Variants in MFAP3 observed in about 807,000 individuals in gnomAD.
The protein encoded by MFAP3 is microfibril associated protein 3, also known as microfibril-associated glycoprotein 3.
A neutral mutation model predicts 20.5 loss-of-function variants in MFAP3; 8 were observed. The observed-to-expected ratio is 0.39, with a 90% confidence interval of 0.23 to 0.70. The LOEUF (loss-of-function observed/expected upper bound fraction) is 0.70. MFAP3 is among the 30% of genes least tolerant of loss of function. The pLI, the probability that MFAP3 is intolerant of heterozygous loss-of-function variation, is 0.44. For missense variants in MFAP3, 398 were observed against 444.6 expected (o/e 0.90, Z 0.94); for synonymous variants, 140 against 154.0 (o/e 0.91, Z 0.67).
rs781398444 is a variant in MFAP3, at chr5:154,053,877, G to A, written c.*164G>A. The A allele has an allele frequency of 7.7e-4, 476 of 616,740 alleles. 4 individuals carry two copies. The Middle Eastern group carries it at 0.013, about 17-fold the overall frequency. The allele number at this position is 616,740 out of a possible 1,614,324, so 38.2% of individuals were successfully genotyped here. A position where few individuals can be genotyped will look rare whatever the true frequency, so the allele number is the denominator to read the frequency against. On this transcript the variant is annotated 3_prime_UTR_variant, in exon 3 of 3. Coordinates refer to ENST00000522782, the MANE Select transcript of MFAP3 (RefSeq NM_005927.5). The stretch of plus-strand genomic sequence containing the variant: ...TTGCCAAAGTCTTCATTAGAAGGCA[G>A]CATTTTTCCTCTCTGATACTTTTCA...
chr5:154,045,624 T>G (rs1256808139), intron 1 of MFAP3, among the ~76,000 whole-genome samples: 2 of 152,218 alleles, frequency 1.3e-5, no homozygotes, highest in Non-Finnish European at 2.9e-5. Context: ...ACTCTGTGTT[T>G]TATGTATACT....
In MFAP3 at chr5:154,056,796, T is replaced by C. The variant is rs982286786; in HGVS notation, c.*3083T>C. ...TGATAACTGCCTGTCCTCCAAATTG[T>C]GTATGTATATGTTACGATGGTTTAA... On this transcript the variant is annotated 3_prime_UTR_variant, in exon 3 of 3. Coordinates refer to ENST00000522782, the MANE Select transcript of MFAP3 (RefSeq NM_005927.5). 7.2e-5 allele frequency among the ~76,000 whole-genome samples: 11 copies of C among 152,208 alleles called. No individual in the cohort carries two copies. Among genetic ancestry groups the C allele is most frequent in the Admixed American group, 5.2e-4 (8 of 15,282 alleles).
intron 1 of MFAP3, among the ~76,000 whole-genome samples, chr5:154,046,482 G>A (rs1324298308): frequency 1.3e-5 from 2 of 152,204 alleles, no homozygotes; most frequent in South Asian, 2.1e-4. Flanking sequence ...GGGATAGACT[G>A]CCTAGCAGTA....
At chr5:154,040,646 A>G (rs535191400) in intron 1 of MFAP3, among the ~76,000 whole-genome samples, 33 of 152,366 alleles carry the variant, frequency 2.2e-4, no homozygotes, top group African/African-American at 9.6e-5. Flanking sequence ...TTGTAAATCA[A>G]TAAACCTATA....
Position 154,055,429 on chromosome 5 carries a change from GTC to G in MFAP3, c.*1721_*1722del, listed in dbSNP as rs879139725. Among the ~76,000 whole-genome samples the G allele has an allele frequency of 1.3e-5, 2 of 152,138 alleles. No homozygotes were observed. The highest frequency in any genetic ancestry group is 4.8e-5 in the African/African-American group (2 of 41,432). ...TAAAGATGATAATGCTGCCTTTTCTGTCTCTCAGGCTGTTTCCATGGAAACCT... is the reference window on the plus strand; with the variant it reads ...TAAAGATGATAATGCTGCCTTTTCTGTCTCAGGCTGTTTCCATGGAAACCT... On this transcript the variant is annotated 3_prime_UTR_variant, in exon 3 of 3. Coordinates refer to ENST00000522782, the MANE Select transcript of MFAP3 (RefSeq NM_005927.5).
rs534506808 is a variant in MFAP3, at chr5:154,048,871, G to A, written c.-166-686G>A. 4.6e-5 allele frequency among the ~76,000 whole-genome samples: 7 copies of A among 152,204 alleles called. No homozygotes were observed. The South Asian group carries it at 8.3e-4, about 18-fold the overall frequency. On this transcript the variant is annotated intron_variant, in intron 1 of 2. Coordinates refer to ENST00000522782, the MANE Select transcript of MFAP3 (RefSeq NM_005927.5). ...TAAATACACTGTACTTTGTCTCTTC[G>A]TATTGGAGAAACTATTAAAAGAAAA...
Position 154,054,511 on chromosome 5 carries a change from T to C in MFAP3, c.*798T>C, listed in dbSNP as rs1773284112. 1 of 167,004 alleles carries C rather than the reference T, an allele frequency of 6.0e-6. No homozygotes were observed. Among genetic ancestry groups the C allele is most frequent in the African/African-American group, 2.4e-5 (1 of 41,456 alleles). 10.3% of individuals were successfully genotyped at this position (167,004 alleles called of 1,614,324 possible). ...GGATTGCCTAACTGATCTTCCAAAGTGAGCAGTTTATTTCTAAGGTATAAC... is the reference window on the plus strand; with the variant it reads ...GGATTGCCTAACTGATCTTCCAAAGCGAGCAGTTTATTTCTAAGGTATAAC... On this transcript the variant is annotated 3_prime_UTR_variant, in exon 3 of 3. Transcript: ENST00000522782.
Position 154,053,929 on chromosome 5 carries a change from T to G in MFAP3, c.*216T>G. On this transcript the variant is annotated 3_prime_UTR_variant, in exon 3 of 3. Transcript: ENST00000522782. Reference sequence around the variant, plus strand: ...TCATTTTCCTTAGAGCTTTATTAAATTATGCATGCTAAGATTTAAAGGAGC... The same window carrying G: ...TCATTTTCCTTAGAGCTTTATTAAAGTATGCATGCTAAGATTTAAAGGAGC... 1 of 511,704 alleles carries G rather than the reference T, an allele frequency of 2.0e-6. No homozygotes were observed. The allele number at this position is 511,704 out of a possible 1,614,324, so 31.7% of individuals were successfully genotyped here.
At position 154,053,015 on chromosome 5, in the gene MFAP3, C is replaced by T. The variant is rs770333252; in HGVS notation, c.391C>T (p.Arg131Cys). ...TACCTGTTTCGTCACCTCTCCAATT[C>T]GTGCCTCCTACTCTGTCACCCTACG... ...LYTCFVTSPI[R>C]ASYSVTLRVI... Residue 131 changes from arginine to cysteine, a missense_variant, in exon 3 of 3, where the codon CGT (arginine) becomes TGT (cysteine). By Grantham distance (180) the Arg-to-Cys change is radical. Coordinates refer to ENST00000522782, the MANE Select transcript of MFAP3 (RefSeq NM_005927.5). 23 of 1,613,702 alleles carry T rather than the reference C, an allele frequency of 1.4e-5. No individual in the cohort carries two copies. The highest frequency in any genetic ancestry group is 1.6e-4 in the Middle Eastern group (1 of 6,080).
At position 154,041,610 on chromosome 5, in the gene MFAP3, T is replaced by C. The variant is rs145699687; in HGVS notation, c.-167+2599T>C. Among the ~76,000 whole-genome samples, 639 of 152,360 alleles carry C rather than the reference T, an allele frequency of 4.2e-3. 1 individual carries two copies. The highest frequency in any genetic ancestry group is 5.4e-3 in the Non-Finnish European group (369 of 68,036). On this transcript the variant is annotated intron_variant, in intron 1 of 2. Transcript: ENST00000522782. Reference sequence around the variant, plus strand: ...ATTCTTGGAGAATTACAATGCCAAATTGGAATTTTAAGCTTATCTCATGGG... The same window carrying C: ...ATTCTTGGAGAATTACAATGCCAAACTGGAATTTTAAGCTTATCTCATGGG...
rs139847258 is a variant in MFAP3, at chr5:154,049,323, A to G, written c.-166-234A>G. 1.3e-4 allele frequency among the ~76,000 whole-genome samples: 20 copies of G among 152,308 alleles called. No homozygotes were observed. In the East Asian group the frequency reaches 3.7e-3, roughly 28 times the overall value. ...AAACCCAGAGAGAATGCTGCTTGCC[A>G]AGGTCGTACAGCTAGTTAGTGGCAA... On this transcript the variant is annotated intron_variant, in intron 1 of 2. Transcript: ENST00000522782.
At chr5:154,041,198 T>C (rs1772940836) in intron 1 of MFAP3, among the ~76,000 whole-genome samples, 3 of 150,878 alleles carry the variant, frequency 2.0e-5, no homozygotes, top group Admixed American at 1.3e-4. Flanking sequence ...AAGATGAAAT[T>C]AGAGTTGAAT....
At chr5:154,041,173 G>A (rs816041) in intron 1 of MFAP3, among the ~76,000 whole-genome samples, 93,142 of 151,682 alleles carry the variant, frequency 0.61, 29,130 homozygotes, top group East Asian at 0.88. Flanking sequence ...GTGGGCATGA[G>A]AGGGTTTCCT....
intron 1 of MFAP3, among the ~76,000 whole-genome samples, chr5:154,048,252 G>T (rs182203429): frequency 5.6e-4 from 86 of 152,256 alleles, no homozygotes; most frequent in Non-Finnish European, 1.1e-3. Flanking sequence ...AACACGTTTA[G>T]TGTGTCATGT....
At chr5:154,047,162 G>A (rs2113560348) in intron 1 of MFAP3, among the ~76,000 whole-genome samples, 1 of 152,256 alleles carries the variant, frequency 6.6e-6, no homozygotes, top group Admixed American at 6.5e-5. Flanking sequence ...TCCTGCACCT[G>A]AAGAATAGGT....
intron 1 of MFAP3, among the ~76,000 whole-genome samples, chr5:154,040,018 T>C (rs776837019): frequency 3.3e-5 from 5 of 152,194 alleles, no homozygotes; most frequent in Non-Finnish European, 7.4e-5. Flanking sequence ...TGCTTAAATA[T>C]AAAATGGATC....
chr5:154,045,765 GT>G (rs1380733567), intron 1 of MFAP3, among the ~76,000 whole-genome samples: 20 of 152,270 alleles, frequency 1.3e-4, no homozygotes, highest in African/African-American at 4.3e-4. Context: ...GTCACAGATC[GT>G]ATTTGAATCC....
In MFAP3 at chr5:154,053,551, C is replaced by T; in HGVS notation, c.927C>T (p.Gly309=). The T allele has an allele frequency of 2.5e-6, 4 of 1,613,806 alleles. No individual in the cohort carries two copies. Among genetic ancestry groups the T allele is most frequent in the Non-Finnish European group, 3.4e-6 (4 of 1,179,934 alleles). The part of the protein sequence containing the change: ...DSDDGSLNEQ[G]QEIAVQVSVH... ...ATGATGGCTCTCTGAATGAACAAGG[C>T]CAGGAAATAGCAGTTCAGGTTTCTG... Residue 309 remains glycine, a synonymous_variant, in exon 3 of 3, where the codon GGC becomes GGT. Transcript: ENST00000522782.
chr5:154,042,805 G>C (rs1325894059), intron 1 of MFAP3, among the ~76,000 whole-genome samples: 1 of 150,772 alleles, frequency 6.6e-6, no homozygotes, highest in Non-Finnish European at 1.5e-5. Context: ...AGAGAATGAA[G>C]CACTAATATC....
Sources: allele counts gnomAD v4.1 joint callset (sites outside exome capture counted in the v4.1 genomes callset), GRCh38; gene constraint gnomAD v4.1.1; transcripts MANE v1.5; gene names NCBI Gene and HGNC (gene_info 2026-07-23, HGNC 2026-07-21).